NAALADL2: variants seen among roughly 807,000 people sequenced by gnomAD.
NAALADL2 encodes the protein inactive N-acetylated-alpha-linked acidic dipeptidase-like protein 2.
Under a neutral mutation model 87.2 loss-of-function variants are expected in NAALADL2, and 76 were observed. The observed-to-expected ratio is 0.87, with a 90% CI of 0.72 to 1.05. The LOEUF (loss-of-function observed/expected upper bound fraction) is 1.05, where lower values mean the gene tolerates loss of function less well. Ranked by LOEUF, NAALADL2 falls within the 50% of genes least tolerant of loss-of-function variation. The pLI, the probability that NAALADL2 is intolerant of heterozygous loss-of-function variation, is 0.00. For missense variants in NAALADL2, 1,089 were observed against 945.8 expected (o/e 1.15, Z -1.99); for synonymous variants, 354 against 331.0 (o/e 1.07, Z -0.75).
Position 175,650,057 on chromosome 3 carries a change from C to CAAAA in NAALADL2, c.1896+22685_1896+22688dup, listed in dbSNP as rs11458935. On this transcript the variant is annotated intron_variant, in intron 11 of 13. Coordinates refer to ENST00000454872, the MANE Select transcript of NAALADL2 (RefSeq NM_207015.3). Reference sequence around the variant, plus strand: ...AGCATTATTCAGAATAACCCCACACCAAAAAAAAAAAAAAAAACCCTCAGA... The same window carrying CAAAA: ...AGCATTATTCAGAATAACCCCACACCAAAAAAAAAAAAAAAAAAAAACCCTCAGA... Among the ~76,000 whole-genome samples the CAAAA allele has an allele frequency of 6.6e-3, 799 of 120,364 alleles. 12 individuals are homozygous for CAAAA. The highest frequency in any genetic ancestry group is 0.022 in the African/African-American group (720 of 32,018). The allele number at this position is 120,364 out of a possible 152,430, so 79.0% of individuals were successfully genotyped here.
At chr3:175,802,216 C>A (rs1275421013) in intron 13 of NAALADL2, among the ~76,000 whole-genome samples, 1 of 151,914 alleles carries the variant, frequency 6.6e-6, no homozygotes, top group South Asian at 2.1e-4. Context: ...AAAATATTTG[C>A]AATTACCTAA....
intron 11 of NAALADL2, among the ~76,000 whole-genome samples, chr3:175,647,308 A>G (rs1427027455): frequency 6.6e-6 from 1 of 152,060 alleles, no homozygotes; most frequent in African/African-American, 2.4e-5. Flanking sequence ...TTTGTTGTTT[A>G]TTTAAGATTC....
At chr3:174,544,432 A>C (rs1005817065) in intron 1 of NAALADL2, among the ~76,000 whole-genome samples, 23 of 152,130 alleles carry the variant, frequency 1.5e-4, no homozygotes, top group African/African-American at 4.8e-4. Flanking sequence ...ACATTAAAAA[A>C]GTCCTAGAAT....
chr3:175,526,495 T>G (rs888731354), intron 9 of NAALADL2, among the ~76,000 whole-genome samples: 1 of 152,242 alleles, frequency 6.6e-6, no homozygotes, highest in African/African-American at 2.4e-5. Context: ...GAAATGAAAC[T>G]TATTTAACTG....
In NAALADL2 at chr3:175,623,787, T is replaced by C. The variant is rs570565669; in HGVS notation, c.1801-3504T>C. Among the ~76,000 whole-genome samples the C allele has an allele frequency of 4.5e-4, 69 of 152,104 alleles. No homozygotes were observed. In the South Asian group the frequency reaches 5.0e-3, roughly 11 times the overall value. ...TGCAGAGCCATAGGTGATATCAATA[T>C]GGACAGCAAAACAAAAATGCTCCTG... On this transcript the variant is annotated intron_variant, in intron 10 of 13. Coordinates refer to ENST00000454872, the MANE Select transcript of NAALADL2 (RefSeq NM_207015.3).
Position 175,013,117 on chromosome 3 carries a change from A to ACT in NAALADL2, c.44-83673_44-83672insCT, listed in dbSNP as rs1580011967. On this transcript the variant is annotated intron_variant, in intron 1 of 13. Coordinates refer to ENST00000454872, the MANE Select transcript of NAALADL2 (RefSeq NM_207015.3). Reference sequence around the variant, plus strand: ...ATATAAATATACATATTTATATATAAATATACATATTTATATATAAATATG... The same window carrying ACT: ...ATATAAATATACATATTTATATATAACTATATACATATTTATATATAAATATG... Among the ~76,000 whole-genome samples, 34 of 8,798 alleles carry ACT rather than the reference A, an allele frequency of 3.9e-3. 4 individuals carry two copies. The East Asian group carries it at 0.11, about 30-fold the overall frequency. 5.8% of individuals were successfully genotyped at this position (8,798 alleles called of 152,430 possible).
At chr3:175,503,414 A>G (rs1265700273) in intron 9 of NAALADL2, among the ~76,000 whole-genome samples, 3 of 152,152 alleles carry the variant, frequency 2.0e-5, no homozygotes, top group East Asian at 1.9e-4. Context: ...TCTTTATGGT[A>G]GAACAACTTA....
intron 11 of NAALADL2, among the ~76,000 whole-genome samples, chr3:175,637,807 C>T (rs1212365176): frequency 6.6e-6 from 1 of 152,118 alleles, no homozygotes; most frequent in Non-Finnish European, 1.5e-5. Context: ...GCAAAACAGA[C>T]TAAGACAGCA....
Position 175,013,097 on chromosome 3 carries a change from AATATAC to A in NAALADL2, c.44-83688_44-83683del, listed in dbSNP as rs1286092795. 9.7e-4 allele frequency among the ~76,000 whole-genome samples: 58 copies of A among 59,678 alleles called. 10 individuals carry two copies. In the African/African-American group the frequency reaches 0.01, roughly 11 times the overall value. 39.2% of individuals were successfully genotyped at this position (59,678 alleles called of 152,430 possible). A position where few individuals can be genotyped will look rare whatever the true frequency, so the allele number is the denominator to read the frequency against. ...AATATGTAATACATATTTATATATA[AATATAC>A]ATATTTATATATAAATATACATATT... On this transcript the variant is annotated intron_variant, in intron 1 of 13. Coordinates refer to ENST00000454872, the MANE Select transcript of NAALADL2 (RefSeq NM_207015.3).
intron 11 of NAALADL2, among the ~76,000 whole-genome samples, chr3:175,728,577 G>C (rs144678126): frequency 1.3e-5 from 2 of 152,194 alleles, no homozygotes; most frequent in East Asian, 3.9e-4. Context: ...TTATCCACAG[G>C]ATATTTGTTG....
At chr3:174,810,716 T>C (rs6774585) in intron 3 of NAALADL2, among the ~76,000 whole-genome samples, 64,930 of 151,708 alleles carry the variant, frequency 0.43, 14,018 homozygotes, top group Admixed American at 0.45. Context: ...ATTTTCCGGG[T>C]GGAGATTGGG....
At chr3:175,041,612 A>C (rs1754083332) in intron 1 of NAALADL2, among the ~76,000 whole-genome samples, 3 of 152,070 alleles carry the variant, frequency 2.0e-5, no homozygotes, top group Admixed American at 2.0e-4. Context: ...GTTTCCATGC[A>C]TTTCCTTAAC....
chr3:174,882,901 G>A (rs1729598783), intron 1 of NAALADL2, among the ~76,000 whole-genome samples: 1 of 149,882 alleles, frequency 6.7e-6, no homozygotes. Flanking sequence ...GTATATATAT[G>A]TGTATATATA....
intron 2 of NAALADL2, among the ~76,000 whole-genome samples, chr3:175,136,543 A>G (rs915574265): frequency 2.0e-5 from 3 of 152,124 alleles, no homozygotes; most frequent in African/African-American, 4.8e-5. Flanking sequence ...AAAACTATGT[A>G]TTTGTTCCTC....
chr3:175,337,448 C>T (rs997260996), intron 5 of NAALADL2, among the ~76,000 whole-genome samples: 1 of 152,040 alleles, frequency 6.6e-6, no homozygotes, highest in African/African-American at 2.4e-5. Flanking sequence ...GAAATGAAGG[C>T]ATTGGGGCAT....
intron 1 of NAALADL2, among the ~76,000 whole-genome samples, chr3:174,978,716 T>C (rs77686381): frequency 1.8e-3 from 273 of 152,350 alleles, no homozygotes; most frequent in African/African-American, 6.3e-3. Flanking sequence ...TAGTAGTACT[T>C]AAATGTGATT....
At chr3:175,311,005 A>G (rs528544738) in intron 4 of NAALADL2, among the ~76,000 whole-genome samples, 1 of 148,128 alleles carries the variant, frequency 6.8e-6, no homozygotes, top group South Asian at 2.2e-4. Flanking sequence ...TTTCCCCCGC[A>G]ATATTGGCTG....
chr3:174,679,654 A>T (rs913518666), intron 2 of NAALADL2, among the ~76,000 whole-genome samples: 9 of 152,188 alleles, frequency 5.9e-5, no homozygotes, highest in African/African-American at 2.2e-4. Context: ...CCACCCACTC[A>T]GCTGGAAGGC....
chr3:175,546,445 G>A (rs1010405745), intron 9 of NAALADL2, among the ~76,000 whole-genome samples: 3 of 151,978 alleles, frequency 2.0e-5, no homozygotes, highest in Non-Finnish European at 4.4e-5. Context: ...ATGTTAGCTG[G>A]TTATTTTTCA....
Sources: gnomAD v4.1 joint callset for allele counts (sites outside exome capture counted in the v4.1 genomes callset) on GRCh38, gnomAD v4.1.1 for gene constraint, MANE v1.5 for transcripts, NCBI Gene and HGNC (gene_info 2026-07-23, HGNC 2026-07-21) for gene names.